The following UVRAG variants were observed in gnomAD, a reference collection of about 807,000 sequenced individuals.
UVRAG encodes the protein UV radiation resistance associated, also known as UV radiation resistance-associated gene protein.
Under a neutral mutation model 78.0 loss-of-function variants are expected in UVRAG, and 19 were observed. That is an observed-to-expected ratio of 0.24 (90% confidence interval 0.17 to 0.36). The LOEUF (loss-of-function observed/expected upper bound fraction) is 0.36, where lower values mean the gene tolerates loss of function less well. UVRAG is among the 10% of genes least tolerant of loss of function. The probability of loss-of-function intolerance (pLI) is 1.00; values close to 1 mark genes in which losing one functional copy is unlikely to be tolerated. For synonymous variants in UVRAG, 323 were observed against 324.6 expected, an observed-to-expected ratio of 1.00 and a Z score of 0.05; for missense variants, 740 against 853.8, an observed-to-expected ratio of 0.87 and a Z score of 1.66.
rs141241621 is a variant in UVRAG, at chr11:75,993,298, A to G, written c.826+9785A>G. On this transcript the variant is annotated intron_variant, in intron 8 of 14. Transcript: ENST00000356136. ...CGCTGCTGACTTGCTGAGTGGTCAC[A>G]TAACTCCAAAGGGCCTCATTACTTC... Among the ~76,000 whole-genome samples the G allele has an allele frequency of 1.1e-4, 16 of 152,318 alleles. No homozygotes were observed. In the East Asian group the frequency reaches 1.3e-3, roughly 13 times the overall value.
At chr11:75,835,646 A>G (rs80191572) in intron 1 of UVRAG, among the ~76,000 whole-genome samples, 5,846 of 152,332 alleles carry the variant, frequency 0.038, 146 homozygotes, top group Non-Finnish European at 0.059. Context: ...TATTACAAAA[A>G]TAGAGATGTC....
chr11:76,078,686 G>A (rs1338251279), intron 13 of UVRAG, among the ~76,000 whole-genome samples: 11 of 145,172 alleles, frequency 7.6e-5, no homozygotes, highest in East Asian at 2.0e-4. Context: ...TGCGGATCAC[G>A]AGGTCAGGAG....
intron 1 of UVRAG, among the ~76,000 whole-genome samples, chr11:75,843,339 C>T (rs1362450198): frequency 1.3e-5 from 2 of 152,154 alleles, no homozygotes; most frequent in Non-Finnish European, 2.9e-5. Flanking sequence ...TGAAACATTT[C>T]TTTTATCTTG....
chr11:76,025,592 A>G lies in UVRAG; in HGVS notation c.1226+8612A>G, dbSNP rs138499537. Among the ~76,000 whole-genome samples the G allele has an allele frequency of 6.6e-5, 10 of 152,256 alleles. No individual in the cohort carries two copies. In the East Asian group the frequency reaches 1.9e-3, roughly 29 times the overall value. On this transcript the variant is annotated intron_variant, in intron 12 of 14. Coordinates refer to ENST00000356136, the MANE Select transcript of UVRAG (RefSeq NM_003369.4). ...AATTATTGGAACTTAGAGAAATGGTAATGCTGTTTCCTTGATTTTGTGTAC... is the reference window on the plus strand; with the variant it reads ...AATTATTGGAACTTAGAGAAATGGTGATGCTGTTTCCTTGATTTTGTGTAC...
chr11:75,857,556 C>G (rs886068300), intron 2 of UVRAG, among the ~76,000 whole-genome samples: 1 of 148,754 alleles, frequency 6.7e-6, no homozygotes, highest in Admixed American at 6.8e-5. Flanking sequence ...GTGGTGCAGT[C>G]TCAGCTCACT....
intron 13 of UVRAG, among the ~76,000 whole-genome samples, chr11:76,083,588 A>G (rs1951536323): frequency 6.6e-6 from 1 of 152,244 alleles, no homozygotes; most frequent in Non-Finnish European, 1.5e-5. Context: ...AACAATGTCT[A>G]CATTTTTAAT....
At chr11:76,014,757 C>T (rs1950117461) in intron 11 of UVRAG, among the ~76,000 whole-genome samples, 1 of 152,156 alleles carries the variant, frequency 6.6e-6, no homozygotes, top group South Asian at 2.1e-4. Flanking sequence ...AAGTTGGTAG[C>T]ATCAGAGTCA....
chr11:75,930,927 T>TTTTCTGTC (rs1948219225), intron 6 of UVRAG: 2 of 117,512 alleles, frequency 1.7e-5, no homozygotes, highest in Non-Finnish European at 3.6e-5. Context: ...AGTGTCGGGA[T>TTTTCTGTC]TTTCTTTCTT....
chr11:76,125,805 T>G (rs1952376487), intron 14 of UVRAG, among the ~76,000 whole-genome samples: 1 of 152,190 alleles, frequency 6.6e-6, no homozygotes, highest in African/African-American at 2.4e-5. Context: ...AATAGCCCCA[T>G]AATTCAGGCA....
At chr11:76,069,895 G>A (rs949532960) in intron 13 of UVRAG, among the ~76,000 whole-genome samples, 3 of 152,150 alleles carry the variant, frequency 2.0e-5, no homozygotes, top group African/African-American at 4.8e-5. Flanking sequence ...GGAAGCAAAC[G>A]TTTTTTGAGA....
chr11:75,939,774 T>G (rs566025607), intron 6 of UVRAG, among the ~76,000 whole-genome samples: 2 of 152,114 alleles, frequency 1.3e-5, no homozygotes, highest in Non-Finnish European at 2.9e-5. Context: ...GGTGTCTTAT[T>G]TTTTGGAACA....
intron 7 of UVRAG, among the ~76,000 whole-genome samples, chr11:75,967,748 A>G (rs1949051712): frequency 6.6e-6 from 1 of 152,226 alleles, no homozygotes; most frequent in African/African-American, 2.4e-5. Context: ...AATAAAAGAC[A>G]CCTGGATTTT....
chr11:75,981,913 G>T (rs1306062713), intron 7 of UVRAG, among the ~76,000 whole-genome samples: 1 of 147,630 alleles, frequency 6.8e-6, no homozygotes, highest in African/African-American at 2.5e-5. Context: ...AGACTTTCTA[G>T]TTTTTTTTTT....
At chr11:75,847,895 C>T (rs112232354) in intron 1 of UVRAG, among the ~76,000 whole-genome samples, 3,795 of 150,558 alleles carry the variant, frequency 0.025, 149 homozygotes, top group African/African-American at 0.084. Context: ...TGCTTGAACC[C>T]GGGAGGCGGA....
intron 5 of UVRAG, among the ~76,000 whole-genome samples, chr11:75,896,424 T>G (rs186705987): frequency 3.3e-4 from 51 of 152,348 alleles, no homozygotes; most frequent in South Asian, 2.5e-3. Flanking sequence ...ACTCGTCTTT[T>G]GTGGGACTGC....
intron 13 of UVRAG, among the ~76,000 whole-genome samples, chr11:76,094,064 A>G (rs1951747944): frequency 6.6e-6 from 1 of 152,202 alleles, no homozygotes; most frequent in South Asian, 2.1e-4. Context: ...AGTTTTTAGC[A>G]TGCAGGGCTG....
At chr11:75,950,251 C>T (rs1420173838) in intron 6 of UVRAG, among the ~76,000 whole-genome samples, 1 of 151,952 alleles carries the variant, frequency 6.6e-6, no homozygotes, top group Non-Finnish European at 1.5e-5. Flanking sequence ...GTGCTTTCTC[C>T]TATTTATTTA....
At position 76,143,552 on chromosome 11, in the gene UVRAG, C is replaced by A. The variant is rs1952759484; in HGVS notation, c.*2139C>A. On this transcript the variant is annotated 3_prime_UTR_variant, in exon 15 of 15. Transcript: ENST00000356136. Reference sequence around the variant, plus strand: ...CAGAGCTGATTGCTAGGTGCCTACACATTTGCCTCGACCCACACAGCCCCG... The same window carrying A: ...CAGAGCTGATTGCTAGGTGCCTACAAATTTGCCTCGACCCACACAGCCCCG... Among the ~76,000 whole-genome samples, 1 of 152,256 alleles carries A rather than the reference C, an allele frequency of 6.6e-6. No homozygotes were observed. Among genetic ancestry groups the A allele is most frequent in the Admixed American group, 6.5e-5 (1 of 15,290 alleles).
intron 14 of UVRAG, among the ~76,000 whole-genome samples, chr11:76,138,234 A>G (rs1047477574): frequency 6.6e-6 from 1 of 152,250 alleles, no homozygotes; most frequent in Non-Finnish European, 1.5e-5. Flanking sequence ...CTTGTGGGAC[A>G]CAATAGATAG....
Sources: allele counts gnomAD v4.1 joint callset (sites outside exome capture counted in the v4.1 genomes callset), GRCh38; gene constraint gnomAD v4.1.1; transcripts MANE v1.5; gene names NCBI Gene and HGNC (gene_info 2026-07-23, HGNC 2026-07-21).